The following VPS53 variants were observed in gnomAD, a reference collection of about 807,000 sequenced individuals.
The protein encoded by VPS53 is vacuolar protein sorting-associated protein 53 homolog.
VPS53 carries 70 observed loss-of-function variants against 107.0 expected under a neutral mutation model. That is an observed-to-expected ratio of 0.65 (90% CI 0.54 to 0.80). The LOEUF (loss-of-function observed/expected upper bound fraction) is 0.80, where lower values mean the gene tolerates loss of function less well. Ranked by LOEUF, VPS53 falls within the 30% of genes least tolerant of loss-of-function variation. The probability of loss-of-function intolerance (pLI) is 0.00; values close to 1 mark genes in which losing one functional copy is unlikely to be tolerated. For synonymous variants in VPS53, 409 were observed against 393.3 expected (o/e 1.04, Z -0.47); for missense variants, 917 against 1,049.4 (o/e 0.87, Z 1.74).
chr17:646,232 A>C (rs560869972), intron 7 of VPS53, among the ~76,000 whole-genome samples: 46 of 92,922 alleles, frequency 5.0e-4, no homozygotes, highest in African/African-American at 9.5e-4. Flanking sequence ...CCTCTGCCTG[A>C]TAAGGGTCTT....
intron 1 of VPS53, chr17:714,367 A>C: frequency 9.7e-6 from 5 of 517,306 alleles, no homozygotes; most frequent in African/African-American, 2.0e-5. Context: ...CGTCCTCTCT[A>C]AGCGCACAAT....
chr17:533,130 C>G (rs1436333959), intron 18 of VPS53: 54 of 666,712 alleles, frequency 8.1e-5, no homozygotes, highest in Non-Finnish European at 4.9e-6. Flanking sequence ...CGGATCCCAT[C>G]CTAGACTCCC....
chr17:652,028 A>C, intron 7 of VPS53, among the ~76,000 whole-genome samples: 1 of 148,002 alleles, frequency 6.8e-6, no homozygotes, highest in African/African-American at 2.5e-5. Flanking sequence ...TTTGAGTCTC[A>C]CCCTGTCGCC....
At chr17:654,770 C>T (rs1971115597) in intron 6 of VPS53, among the ~76,000 whole-genome samples, 1 of 150,468 alleles carries the variant, frequency 6.6e-6, no homozygotes, top group Admixed American at 6.6e-5. Flanking sequence ...AAGAAAAAGA[C>T]AGGATCAAGT....
chr17:519,137 C>G lies in VPS53; in HGVS notation c.2490G>C (p.Lys830Asn). Reference protein sequence around the residue: ...RIRKLEKLIKKRL With the variant: ...RIRKLEKLIKNRL ...GGGCCCCTTGCTGCTGCTACAGTCT[C>G]TTTTTAATGAGTTTCTCGAGCTTGC... The change falls in exon 22 of 22, where the codon AAG becomes AAC. Residue 830 changes from lysine to asparagine, a missense_variant. Lys to Asn is a moderately conservative substitution (Grantham distance 94, BLOSUM62 0). Coordinates refer to ENST00000437048, the MANE Select transcript of VPS53 (RefSeq NM_001128159.3). The surrounding 1 kb of genome is among the most constrained non-coding windows in gnomAD (Gnocchi z 5.0). 1 of 1,525,314 alleles carries G rather than the reference C, an allele frequency of 6.6e-7. No homozygotes were observed. Among genetic ancestry groups the G allele is most frequent in the Non-Finnish European group, 8.8e-7 (1 of 1,135,786 alleles). 94.5% of individuals were successfully genotyped at this position (1,525,314 alleles called of 1,614,324 possible).
intron 4 of VPS53, among the ~76,000 whole-genome samples, chr17:677,204 T>C (rs1972202985): frequency 1.3e-5 from 2 of 152,080 alleles, no homozygotes. Flanking sequence ...AATCCAAGTG[T>C]CCATGGACAG....
At chr17:557,234 G>A (rs1348366497) in intron 15 of VPS53, among the ~76,000 whole-genome samples, 1 of 152,106 alleles carries the variant, frequency 6.6e-6, no homozygotes. Context: ...GATGTTCCTT[G>A]GCTCATAGAA....
chr17:557,551 T>C (rs549129035), intron 15 of VPS53, among the ~76,000 whole-genome samples: 21 of 152,330 alleles, frequency 1.4e-4, no homozygotes, highest in Non-Finnish European at 2.5e-4. Context: ...TTGTGTAACA[T>C]GATGTTCTGA....
intron 6 of VPS53, among the ~76,000 whole-genome samples, chr17:653,832 T>C (rs1244252385): frequency 6.6e-6 from 1 of 152,200 alleles, no homozygotes; most frequent in Admixed American, 6.5e-5. Context: ...GATGTTACTA[T>C]CTGAGGATTA....
intron 4 of VPS53, among the ~76,000 whole-genome samples, chr17:696,137 A>G (rs1972951474): frequency 6.6e-6 from 1 of 152,266 alleles, no homozygotes; most frequent in African/African-American, 2.4e-5. Context: ...GTGTCTACAC[A>G]CAAATTCTGA....
Position 546,756 on chromosome 17 carries a change from T to C in VPS53, c.1866+5116A>G, listed in dbSNP as rs181499175. ...AAACTGGATTCCTTACACTTTGCTG[T>C]GGAAAGGTACAACGGCACAGTCACT... On this transcript the variant is annotated intron_variant, in intron 17 of 21. Coordinates refer to ENST00000437048, the MANE Select transcript of VPS53 (RefSeq NM_001128159.3). Among the ~76,000 whole-genome samples the C allele has an allele frequency of 3.0e-3, 449 of 152,172 alleles. 4 individuals carry two copies. Among genetic ancestry groups the C allele is most frequent in the African/African-American group, 5.7e-3 (236 of 41,520 alleles).
chr17:592,792 C>T (rs1042384463), intron 12 of VPS53, among the ~76,000 whole-genome samples: 3 of 152,074 alleles, frequency 2.0e-5, no homozygotes, highest in South Asian at 4.1e-4. Flanking sequence ...GAGGATAACC[C>T]GACCTTTCTC....
chr17:674,112 A>T (rs1972066088), intron 4 of VPS53: 1 of 152,236 alleles, frequency 6.6e-6, no homozygotes, highest in Non-Finnish European at 1.5e-5. Flanking sequence ...GAGCATTTCA[A>T]GCAACACCTC....
At chr17:655,040 G>A (rs1971129962) in intron 6 of VPS53, among the ~76,000 whole-genome samples, 1 of 152,110 alleles carries the variant, frequency 6.6e-6, no homozygotes, top group African/African-American at 2.4e-5. Context: ...TTCCCTCAAG[G>A]CACTCTCCCA....
In VPS53 at chr17:584,064, A is replaced by G. The variant is rs564171445; in HGVS notation, c.1313+2206T>C. 9.2e-5 allele frequency among the ~76,000 whole-genome samples: 14 copies of G among 152,270 alleles called. No individual in the cohort carries two copies. In the East Asian group the frequency reaches 9.6e-4, roughly 10 times the overall value. On this transcript the variant is annotated intron_variant, in intron 13 of 21. Coordinates refer to ENST00000437048, the MANE Select transcript of VPS53 (RefSeq NM_001128159.3). ...CCCCAAGAAGCTCCCTCAGAACCCA[A>G]TGTGTTTCCAGAGATCTTCCCTCAG...
At chr17:661,753 T>C in intron 5 of VPS53, 56 bp downstream of exon 5, 1 of 1,503,314 alleles carries the variant, frequency 6.7e-7, no homozygotes, top group South Asian at 1.2e-5. Flanking sequence ...AATGCCTAGA[T>C]GAGAAGCTCA....
rs1912854659 is a variant in VPS53 at position 560,582 on chromosome 17, A to G, written c.1557-9T>C. 1.2e-6 allele frequency: 2 copies of G among 1,612,658 alleles called. No individual in the cohort carries two copies. Among genetic ancestry groups the G allele is most frequent in the Non-Finnish European group, 1.7e-6 (2 of 1,179,224 alleles). On this transcript the variant is annotated splice_polypyrimidine_tract_variant and intron_variant, in intron 14 of 21. Coordinates refer to ENST00000437048, the MANE Select transcript of VPS53 (RefSeq NM_001128159.3). Reference sequence around the variant, plus strand: ...CACTGCTGGTTGTGGTTCTGAAGAAAAGGAACAGGAACAAGTCAGCATGGA... The same window carrying G: ...CACTGCTGGTTGTGGTTCTGAAGAAGAGGAACAGGAACAAGTCAGCATGGA...
chr17:538,082 C>G (rs1910254740), intron 17 of VPS53: 1 of 152,286 alleles, frequency 6.6e-6, no homozygotes, highest in African/African-American at 2.4e-5. Flanking sequence ...GCCCTAACGA[C>G]AGGCTCTGGA....
chr17:532,858 AT>A lies in VPS53; in HGVS notation c.2068del (p.Met690TrpfsTer14), dbSNP rs768279489. ...THLFKCKPIS[M>X]VGAEQLLLDT... Reference sequence around the variant, plus strand: ...CCATCTCACCTGTTCTGCTCCCACCATGCTAATTGGCTTGCACTTGAAGAGG... The same window carrying A: ...CCATCTCACCTGTTCTGCTCCCACCAGCTAATTGGCTTGCACTTGAAGAGG... On this transcript the variant is annotated frameshift_variant, in exon 19 of 22. Coordinates refer to ENST00000437048, the MANE Select transcript of VPS53 (RefSeq NM_001128159.3). LOFTEE classifies it high-confidence loss of function. 1 of 1,614,120 alleles carries A rather than the reference AT, an allele frequency of 6.2e-7. No homozygotes were observed. Among genetic ancestry groups the A allele is most frequent in the Non-Finnish European group, 8.5e-7 (1 of 1,180,008 alleles).
Sources: gnomAD v4.1 joint callset for allele counts (sites outside exome capture counted in the v4.1 genomes callset) on GRCh38, gnomAD v4.1.1 for gene constraint, Gnocchi (gnomAD v3.1) non-coding constraint, MANE v1.5 for transcripts, NCBI Gene and HGNC (gene_info 2026-07-23, HGNC 2026-07-21) for gene names.